The following EXOC4 variants were observed in gnomAD, a reference collection of about 807,000 sequenced individuals.
EXOC4 encodes SEC8-like 1.
EXOC4 carries 71 observed loss-of-function variants against 107.2 expected under a neutral mutation model. The ratio of observed to expected loss-of-function variants is 0.66; its 90% CI spans 0.55 to 0.81. EXOC4 has a LOEUF of 0.81. Among genes scored for constraint, EXOC4 ranks in the 30% least tolerant of loss-of-function variants. EXOC4 has a pLI of 0.00. For synonymous variants in EXOC4, 456 were observed against 441.2 expected (o/e 1.03, Z -0.42); for missense variants, 1,108 against 1,189.6 (o/e 0.93, Z 1.01).
chr7:133,578,022 A>T (rs1801170861), intron 9 of EXOC4, among the ~76,000 whole-genome samples: 1 of 152,186 alleles, frequency 6.6e-6, no homozygotes, highest in Non-Finnish European at 1.5e-5. Context: ...TAGCATAGGG[A>T]TTCTTTTAAT....
At chr7:133,902,769 C>T (rs951494814) in intron 12 of EXOC4, among the ~76,000 whole-genome samples, 5 of 151,836 alleles carry the variant, frequency 3.3e-5, no homozygotes, top group Non-Finnish European at 5.9e-5. Context: ...GCAGGAGAAT[C>T]GCTTGAACCC....
chr7:134,052,670 T>C (rs1795825016), intron 17 of EXOC4, among the ~76,000 whole-genome samples: 1 of 152,192 alleles, frequency 6.6e-6, no homozygotes, highest in African/African-American at 2.4e-5. Context: ...TTGATTAATC[T>C]TCAAACCTAA....
chr7:133,367,619 C>T (rs958983224), intron 6 of EXOC4, among the ~76,000 whole-genome samples: 2 of 152,148 alleles, frequency 1.3e-5, no homozygotes, highest in African/African-American at 2.4e-5. Flanking sequence ...GGCCTCTCTT[C>T]TAAAATACTT....
At chr7:133,441,798 G>A (rs1798110118) in intron 7 of EXOC4, among the ~76,000 whole-genome samples, 1 of 152,176 alleles carries the variant, frequency 6.6e-6, no homozygotes, top group South Asian at 2.1e-4. Context: ...GGCTAATTTT[G>A]ACTCACACTG....
intron 10 of EXOC4, among the ~76,000 whole-genome samples, chr7:133,773,300 G>T (rs1374485632): frequency 6.6e-6 from 1 of 151,866 alleles, no homozygotes; most frequent in Non-Finnish European, 1.5e-5. Context: ...TCCCAAACAT[G>T]CTTCCCAAAC....
intron 10 of EXOC4, among the ~76,000 whole-genome samples, chr7:133,730,991 G>A (rs1438071075): frequency 6.6e-6 from 1 of 152,080 alleles, no homozygotes; most frequent in Non-Finnish European, 1.5e-5. Context: ...TCTTCAAATG[G>A]AAGATAGGAT....
chr7:133,776,162 C>T (rs1391064092), intron 10 of EXOC4, among the ~76,000 whole-genome samples: 1 of 152,108 alleles, frequency 6.6e-6, no homozygotes, highest in East Asian at 1.9e-4. Context: ...CTTAAAGATA[C>T]TGAGTTTTTC....
intron 11 of EXOC4, among the ~76,000 whole-genome samples, chr7:133,824,721 G>T (rs1343074183): frequency 6.6e-6 from 1 of 152,044 alleles, no homozygotes; most frequent in Non-Finnish European, 1.5e-5. Flanking sequence ...TTCAGCTTCT[G>T]GTGGCTCCCG....
intron 9 of EXOC4, among the ~76,000 whole-genome samples, chr7:133,602,910 T>G (rs1801841991): frequency 6.6e-6 from 1 of 152,158 alleles, no homozygotes; most frequent in Non-Finnish European, 1.5e-5. Context: ...AAATAAGTGT[T>G]GTGTGTGTTG....
chr7:134,009,879 T>C (rs1372400767), intron 17 of EXOC4: 2 of 152,186 alleles, frequency 1.3e-5, no homozygotes, highest in Non-Finnish European at 2.9e-5. Context: ...AATGCAATGC[T>C]GACTGGGCAG....
intron 9 of EXOC4, among the ~76,000 whole-genome samples, chr7:133,600,304 G>T (rs944180069): frequency 5.9e-5 from 9 of 152,046 alleles, no homozygotes; most frequent in Non-Finnish European, 1.2e-4. Flanking sequence ...TCACCTTTTG[G>T]TATCTTGGTT....
chr7:133,832,807 GT>G (rs1214799748), intron 11 of EXOC4, among the ~76,000 whole-genome samples: 3 of 152,088 alleles, frequency 2.0e-5, no homozygotes, highest in Non-Finnish European at 4.4e-5. Context: ...AAATCAGTTG[GT>G]TTTTTTATGT....
chr7:133,766,402 TTTAAA>T (rs1276631662), intron 10 of EXOC4, among the ~76,000 whole-genome samples: 1 of 152,042 alleles, frequency 6.6e-6, no homozygotes, highest in African/African-American at 2.4e-5. Context: ...TCGCTTTCTA[TTTAAA>T]TTAAACTTCA....
intron 9 of EXOC4, among the ~76,000 whole-genome samples, chr7:133,599,660 GAT>G (rs1801760466): frequency 6.6e-6 from 1 of 152,168 alleles, no homozygotes; most frequent in South Asian, 2.1e-4. Flanking sequence ...TTTCTGAGAT[GAT>G]AAATGAGCAG....
intron 4 of EXOC4, among the ~76,000 whole-genome samples, chr7:133,311,932 T>A (rs1162133790): frequency 1.3e-5 from 2 of 152,158 alleles, no homozygotes; most frequent in Non-Finnish European, 2.9e-5. Flanking sequence ...TCAAAGACAT[T>A]GATAGCATGT....
At position 133,805,219 on chromosome 7, in the gene EXOC4, G is replaced by A. The variant is rs1023354429; in HGVS notation, c.1515-12106G>A. Among the ~76,000 whole-genome samples, 6 of 152,282 alleles carry A rather than the reference G, an allele frequency of 3.9e-5. No individual in the cohort carries two copies. In the South Asian group the frequency reaches 6.2e-4, roughly 16 times the overall value. The stretch of plus-strand genomic sequence containing the variant: ...CTGGGAAAACTTTGTGAGTGACTTA[G>A]TTTTGAAGTGGTCCTTGAAGAAAGG... On this transcript the variant is annotated intron_variant, in intron 10 of 17. Coordinates refer to ENST00000253861, the MANE Select transcript of EXOC4 (RefSeq NM_021807.4).
chr7:133,345,442 A>C (rs1177767517), intron 5 of EXOC4, among the ~76,000 whole-genome samples: 1 of 152,192 alleles, frequency 6.6e-6, no homozygotes, highest in East Asian at 1.9e-4. Flanking sequence ...TATAAATGTA[A>C]ACTGTCAGTT....
chr7:133,330,033 C>G (rs1416100610), intron 5 of EXOC4, among the ~76,000 whole-genome samples: 4 of 152,154 alleles, frequency 2.6e-5, no homozygotes, highest in African/African-American at 9.7e-5. Flanking sequence ...GCTGCCCCTT[C>G]CCCTAGGTGC....
the EXOC4 span, among the ~76,000 whole-genome samples, chr7:134,099,534 T>TC: frequency 1.1e-5 from 1 of 87,652 alleles, no homozygotes; most frequent in Non-Finnish European, 2.0e-5. Context: ...TTTTTTTTTT[T>TC]TTTTTTTTTT....
Sources: allele counts gnomAD v4.1 joint callset (sites outside exome capture counted in the v4.1 genomes callset), GRCh38; gene constraint gnomAD v4.1.1; transcripts MANE v1.5; gene names NCBI Gene and HGNC (gene_info 2026-07-23, HGNC 2026-07-21).